The following INCENP variants were observed in gnomAD, a reference collection of about 807,000 sequenced individuals.
The protein encoded by INCENP is inner centromere protein.
INCENP carries 43 observed loss-of-function variants against 107.3 expected under a neutral mutation model. The observed-to-expected ratio is 0.40, with a 90% CI of 0.31 to 0.52. The LOEUF is 0.52. Among genes scored for constraint, INCENP ranks in the 20% least tolerant of loss-of-function variants. The pLI is 0.53. For missense variants in INCENP, 1,089 were observed against 1,250.9 expected (o/e 0.87, Z 1.95); for synonymous variants, 488 against 494.4 (o/e 0.99, Z 0.17).
chr11:62,151,886 C>A lies in INCENP; in HGVS notation c.2667C>A (p.His889Gln). Reference sequence around the variant, plus strand: ...TCAAGAAGAGCAAGCCCCGCTATCACAAGCGCACCAGCTCTGCTGTCTGGA... The same window carrying A: ...TCAAGAAGAGCAAGCCCCGCTATCAAAAGCGCACCAGCTCTGCTGTCTGGA... Reference protein sequence around the residue: ...DIFKKSKPRYHKRTSSAVWNS... With the variant: ...DIFKKSKPRYQKRTSSAVWNS... The change falls in exon 19 of 19, where the codon CAC becomes CAA. Residue 889 changes from histidine to glutamine, a missense_variant. Physicochemically the swap from His to Gln is conservative, Grantham distance 24 (BLOSUM62 0). Transcript: ENST00000394818. 1.2e-6 allele frequency: 2 copies of A among 1,614,180 alleles called. No individual in the cohort carries two copies. Among genetic ancestry groups the A allele is most frequent in the Non-Finnish European group, 1.7e-6 (2 of 1,180,044 alleles).
intron 17 of INCENP, among the ~76,000 whole-genome samples, chr11:62,149,309 G>A (rs1212260994): frequency 6.6e-6 from 1 of 152,064 alleles, no homozygotes; most frequent in Non-Finnish European, 1.5e-5. Flanking sequence ...TTCAACACAG[G>A]TCAATTTCTT....
chr11:62,141,976 G>A (rs1944134812), intron 11 of INCENP, among the ~76,000 whole-genome samples: 1 of 152,188 alleles, frequency 6.6e-6, no homozygotes, highest in Non-Finnish European at 1.5e-5. Context: ...AACTGAGGTG[G>A]AAGTGCTGGG....
intron 1 of INCENP, among the ~76,000 whole-genome samples, chr11:62,126,609 A>G (rs1485521122): frequency 6.6e-6 from 1 of 152,170 alleles, no homozygotes; most frequent in Non-Finnish European, 1.5e-5. Flanking sequence ...TCTTTCACTC[A>G]TTCACCTGTT....
Position 62,136,299 on chromosome 11 carries a change from G to A in INCENP, c.1064-1533G>A, listed in dbSNP as rs370703657. Among the ~76,000 whole-genome samples, 5 of 152,332 alleles carry A rather than the reference G, an allele frequency of 3.3e-5. No individual in the cohort carries two copies. The East Asian group carries it at 7.7e-4, about 23-fold the overall frequency. ...TAGAGACGAGCGCTTTTCACAGAGAGTTGGGTTTGCAGCAACAGGCATTGT... is the reference window on the plus strand; with the variant it reads ...TAGAGACGAGCGCTTTTCACAGAGAATTGGGTTTGCAGCAACAGGCATTGT... On this transcript the variant is annotated intron_variant, in intron 4 of 18. Coordinates refer to ENST00000394818, the MANE Select transcript of INCENP (RefSeq NM_001040694.2).
chr11:62,150,475 C>T (rs1944350725), intron 18 of INCENP, among the ~76,000 whole-genome samples: 1 of 147,984 alleles, frequency 6.8e-6, no homozygotes, highest in African/African-American at 2.4e-5. Flanking sequence ...TTGGGCATGG[C>T]ATATGCTGCT....
At chr11:62,128,658 C>A in intron 2 of INCENP, 112 bp from the exon 3 acceptor site, 1 of 773,934 alleles carries the variant, frequency 1.3e-6, no homozygotes. Context: ...TGGTGCTGGA[C>A]ACCCCAGCTT....
intron 18 of INCENP, 100 bp from the exon 19 acceptor site, chr11:62,151,662 G>C: frequency 1.1e-6 from 1 of 946,178 alleles, no homozygotes; most frequent in Admixed American, 1.9e-5. Context: ...AGAGCTCTCT[G>C]TAGGGAGGTT....
intron 4 of INCENP, among the ~76,000 whole-genome samples, chr11:62,135,091 A>G (rs552537788): frequency 1.1e-4 from 16 of 152,102 alleles, no homozygotes; most frequent in Non-Finnish European, 1.3e-4. Flanking sequence ...CCTCACATAG[A>G]CGTGTAGTTG....
intron 14 of INCENP, among the ~76,000 whole-genome samples, chr11:62,145,971 T>C (rs973942039): frequency 2.0e-5 from 3 of 152,238 alleles, no homozygotes; most frequent in African/African-American, 7.2e-5. Flanking sequence ...GTGCTTGTAC[T>C]TGGAGCCAGA....
chr11:62,128,461 AC>A (rs1943806188), intron 2 of INCENP, among the ~76,000 whole-genome samples, 160 bp downstream of exon 2: 2 of 152,138 alleles, frequency 1.3e-5, no homozygotes. Context: ...TGGGGGCCTG[AC>A]CTAGTGTCAT....
chr11:62,144,801 G>T (rs1270450700), intron 11 of INCENP, 181 bp from the exon 12 acceptor site: 1 of 766,656 alleles, frequency 1.3e-6, no homozygotes, highest in Admixed American at 1.7e-5. Flanking sequence ...AGGAAAGGCG[G>T]GAGCTGCGGG....
chr11:62,139,111 C>T (rs765372753), intron 7 of INCENP, 106 bp downstream of exon 7: 1 of 781,882 alleles, frequency 1.3e-6, no homozygotes, highest in South Asian at 1.4e-5. Context: ...TTTTCTGGGC[C>T]AGTAGGCTAA....
chr11:62,131,630 A>G (rs911044811), intron 4 of INCENP, among the ~76,000 whole-genome samples: 1 of 152,184 alleles, frequency 6.6e-6, no homozygotes, highest in African/African-American at 2.4e-5. Flanking sequence ...TGCTCACACA[A>G]GAGCTTGAAC....
intron 4 of INCENP, among the ~76,000 whole-genome samples, chr11:62,131,808 C>T (rs1465439808): frequency 1.3e-5 from 2 of 151,616 alleles, no homozygotes; most frequent in African/African-American, 2.4e-5. Flanking sequence ...TACAGAGTCT[C>T]GCTCTGTTGC....
At position 62,149,830 on chromosome 11, in the gene INCENP, G is replaced by A. The variant is rs538160634; in HGVS notation, c.2392-227G>A. Among the ~76,000 whole-genome samples, 142 of 152,184 alleles carry A rather than the reference G, an allele frequency of 9.3e-4. 1 individual carries two copies. The highest frequency in any genetic ancestry group is 3.3e-3 in the African/African-American group (139 of 41,514). ...CAGCTACTTGGGAAAGCTGAGGCAT[G>A]AGAATCTCTTGAACCTGGGAGGCGG... On this transcript the variant is annotated intron_variant, in intron 17 of 18. Transcript: ENST00000394818.
At chr11:62,147,330 C>T (rs1253743916) in intron 15 of INCENP, among the ~76,000 whole-genome samples, 1 of 152,180 alleles carries the variant, frequency 6.6e-6, no homozygotes. Context: ...TTACCCCCTA[C>T]CGATATTTTC....
At position 62,140,898 on chromosome 11, in the gene INCENP, G is replaced by T. The variant is rs377109076; in HGVS notation, c.1462-15G>T. ...GCCCCGCCTGCCCACTTCTGACCCTGGTCCTCGTCTGCAGGTGGTACGGCC... is the reference window on the plus strand; with the variant it reads ...GCCCCGCCTGCCCACTTCTGACCCTTGTCCTCGTCTGCAGGTGGTACGGCC... On this transcript the variant is annotated splice_polypyrimidine_tract_variant and intron_variant, in intron 9 of 18. Coordinates refer to ENST00000394818, the MANE Select transcript of INCENP (RefSeq NM_001040694.2). The T allele has an allele frequency of 2.5e-6, 4 of 1,613,946 alleles. No individual in the cohort carries two copies. Among genetic ancestry groups the T allele is most frequent in the Middle Eastern group, 1.6e-4 (1 of 6,082 alleles).
At chr11:62,151,724 G>C (rs766090128) in intron 18 of INCENP, 38 bp from the exon 19 acceptor site, 1 of 1,569,754 alleles carries the variant, frequency 6.4e-7, no homozygotes, top group Non-Finnish European at 8.8e-7. Flanking sequence ...GGTTCATGGA[G>C]AGCCCCAAGG....
intron 4 of INCENP, among the ~76,000 whole-genome samples, chr11:62,136,953 C>T (rs765194260): frequency 1.1e-4 from 16 of 152,186 alleles, no homozygotes; most frequent in Non-Finnish European, 1.8e-4. Flanking sequence ...GTCTCAAGGA[C>T]GTCCAAGGGT....
Sources: allele counts gnomAD v4.1 joint callset (sites outside exome capture counted in the v4.1 genomes callset), GRCh38; gene constraint gnomAD v4.1.1; transcripts MANE v1.5; gene names NCBI Gene and HGNC (gene_info 2026-07-23, HGNC 2026-07-21).